Variants in RBFOX1 observed in about 807,000 individuals in gnomAD.
RBFOX1 encodes the protein RNA binding fox-1 homolog 1.
In RBFOX1, 8 loss-of-function variants were observed where a neutral mutation model predicts 57.7. The ratio of observed to expected loss-of-function variants is 0.14; its 90% CI spans 0.08 to 0.25. The LOEUF (loss-of-function observed/expected upper bound fraction) is 0.25, where lower values mean the gene tolerates loss of function less well. Ranked by LOEUF, RBFOX1 falls within the 10% of genes least tolerant of loss-of-function variation. The pLI is 1.00. For missense variants in RBFOX1, 611 were observed against 548.5 expected (o/e 1.11, Z -1.14); for synonymous variants, 326 against 222.4 (o/e 1.47, Z -4.15).
At chr16:6,480,244 A>G (rs1038504233) in intron 2 of RBFOX1, among the ~76,000 whole-genome samples, 1 of 152,200 alleles carries the variant, frequency 6.6e-6, no homozygotes, top group Non-Finnish European at 1.5e-5. Context: ...TAACATATAG[A>G]GTATATATAC....
intron 3 of RBFOX1, among the ~76,000 whole-genome samples, chr16:6,967,635 C>G (rs1041665042): frequency 2.0e-5 from 3 of 152,064 alleles, no homozygotes; most frequent in African/African-American, 7.2e-5. Flanking sequence ...CGCTGTTGAA[C>G]AGCGAAGTGT....
intron 3 of RBFOX1, among the ~76,000 whole-genome samples, chr16:6,926,876 G>C (rs917724179): frequency 3.9e-5 from 6 of 151,978 alleles, no homozygotes; most frequent in African/African-American, 1.4e-4. Context: ...TTTTCACTTA[G>C]AACCTGCGCA....
chr16:6,440,801 G>GAA (rs140805062), intron 2 of RBFOX1, among the ~76,000 whole-genome samples: 2,788 of 118,482 alleles, frequency 0.024, 69 homozygotes, highest in African/African-American at 0.063. Flanking sequence ...ACACCATCTG[G>GAA]AAAAAAAAAA....
intron 3 of RBFOX1, among the ~76,000 whole-genome samples, chr16:5,717,657 C>T (rs934778144): frequency 2.6e-5 from 4 of 152,150 alleles, no homozygotes; most frequent in African/African-American, 7.2e-5. Context: ...TAATGTCCTC[C>T]AGCTCCATCC....
At chr16:5,398,143 C>G (rs907232966) in intron 1 of RBFOX1, among the ~76,000 whole-genome samples, 3 of 152,154 alleles carry the variant, frequency 2.0e-5, no homozygotes, top group Non-Finnish European at 4.4e-5. Flanking sequence ...TGAGGGGACA[C>G]CTAAGCTGAC....
At chr16:5,719,354 A>G in intron 3 of RBFOX1, among the ~76,000 whole-genome samples, 1 of 148,742 alleles carries the variant, frequency 6.7e-6, no homozygotes, top group East Asian at 2.0e-4. Flanking sequence ...GGCACCTGCC[A>G]CCATGCCCGG....
intron 3 of RBFOX1, among the ~76,000 whole-genome samples, chr16:6,793,794 G>T (rs370677062): frequency 6.6e-6 from 1 of 152,140 alleles, no homozygotes; most frequent in Non-Finnish European, 1.5e-5. Context: ...TTGGTGTGTG[G>T]ATTTGGTTGG....
chr16:5,588,809 T>C (rs2046914870), intron 2 of RBFOX1, among the ~76,000 whole-genome samples: 1 of 152,192 alleles, frequency 6.6e-6, no homozygotes. Flanking sequence ...AAAAGTGATC[T>C]GAGTTCAGGC....
intron 3 of RBFOX1, among the ~76,000 whole-genome samples, chr16:7,051,805 C>G (rs1301224403): frequency 6.6e-6 from 1 of 152,116 alleles, no homozygotes; most frequent in African/African-American, 2.4e-5. Flanking sequence ...ATGCTGCCTC[C>G]CACACATACT....
At chr16:6,543,332 C>G (rs1320807005) in intron 2 of RBFOX1, among the ~76,000 whole-genome samples, 1 of 152,112 alleles carries the variant, frequency 6.6e-6, no homozygotes, top group African/African-American at 2.4e-5. Context: ...TGTGACTTGA[C>G]ACAATGGAAG....
At chr16:5,687,392 T>G (rs2050537711) in intron 3 of RBFOX1, among the ~76,000 whole-genome samples, 1 of 152,074 alleles carries the variant, frequency 6.6e-6, no homozygotes, top group African/African-American at 2.4e-5. Flanking sequence ...TTTGGGCCCG[T>G]CCTTAAACTT....
intron 4 of RBFOX1, among the ~76,000 whole-genome samples, chr16:7,411,102 T>C (rs1364074989): frequency 1.3e-5 from 2 of 152,080 alleles, no homozygotes; most frequent in Non-Finnish European, 2.9e-5. Context: ...TGAGCCACCA[T>C]GCCTGACCAA....
chr16:6,003,346 G>A (rs2060634722), intron 4 of RBFOX1, among the ~76,000 whole-genome samples: 1 of 151,012 alleles, frequency 6.6e-6, no homozygotes, highest in South Asian at 2.1e-4. Flanking sequence ...TTGTTTCCCT[G>A]GTTCCCTCCT....
intron 1 of RBFOX1, among the ~76,000 whole-genome samples, chr16:5,429,889 C>T (rs2067677660): frequency 6.6e-6 from 1 of 152,172 alleles, no homozygotes; most frequent in Admixed American, 6.5e-5. Context: ...TACCTGCCCT[C>T]CTGAAGCTGA....
At chr16:7,628,299 T>G (rs1318691867) in intron 10 of RBFOX1, among the ~76,000 whole-genome samples, 2 of 152,190 alleles carry the variant, frequency 1.3e-5, no homozygotes, top group Non-Finnish European at 2.9e-5. Flanking sequence ...CTATCGTAGA[T>G]GATTCCGACC....
upstream of RBFOX1, among the ~76,000 whole-genome samples, chr16:6,017,331 A>T (rs2095000737): frequency 6.6e-6 from 1 of 152,174 alleles, no homozygotes; most frequent in Non-Finnish European, 1.5e-5. Flanking sequence ...ATCATTATTG[A>T]TAATTTGCTT....
At position 7,360,311 on chromosome 16, in the gene RBFOX1, G is replaced by T. The variant is rs184701901; in HGVS notation, c.28-157836G>T. 3.1e-4 allele frequency among the ~76,000 whole-genome samples: 47 copies of T among 152,268 alleles called. No individual in the cohort carries two copies. The East Asian group carries it at 8.1e-3, about 26-fold the overall frequency. Reference sequence around the variant, plus strand: ...AAATGTGTCACATGTTAGCCAAACTGTGGTCAACTGAAAACAGTGACTCTG... The same window carrying T: ...AAATGTGTCACATGTTAGCCAAACTTTGGTCAACTGAAAACAGTGACTCTG... On this transcript the variant is annotated intron_variant, in intron 4 of 15. Coordinates refer to ENST00000550418, the MANE Select transcript of RBFOX1 (RefSeq NM_018723.4).
At chr16:7,034,725 C>T (rs528437917) in intron 3 of RBFOX1, among the ~76,000 whole-genome samples, 111 of 151,538 alleles carry the variant, frequency 7.3e-4, no homozygotes, top group African/African-American at 2.3e-3. Flanking sequence ...CATCAGTGCC[C>T]CTGTAGATTT....
chr16:5,785,702 T>C lies in RBFOX1; in HGVS notation c.319-81601T>C, dbSNP rs542058092. 5.3e-5 allele frequency among the ~76,000 whole-genome samples: 8 copies of C among 152,204 alleles called. No individual in the cohort carries two copies. The South Asian group carries it at 1.7e-3, about 32-fold the overall frequency. On this transcript the variant is annotated intron_variant, in intron 3 of 19. Transcript: ENST00000641259. Reference sequence around the variant, plus strand: ...ACCACCATACCCGGCTAATTTTGTATTTTTAATAGAGACAGGGTTTCTCCA... The same window carrying C: ...ACCACCATACCCGGCTAATTTTGTACTTTTAATAGAGACAGGGTTTCTCCA...
Sources: allele counts gnomAD v4.1 joint callset (sites outside exome capture counted in the v4.1 genomes callset), GRCh38; gene constraint gnomAD v4.1.1; transcripts MANE v1.5; gene names NCBI Gene and HGNC (gene_info 2026-07-23, HGNC 2026-07-21).